MIPOL1: variants seen among roughly 807,000 people sequenced by gnomAD.
The protein encoded by MIPOL1 is mirror-image polydactyly gene 1 protein.
Under a neutral mutation model 60.9 loss-of-function variants are expected in MIPOL1, and 57 were observed. The observed-to-expected ratio is 0.94, with a 90% CI of 0.76 to 1.17. The LOEUF (loss-of-function observed/expected upper bound fraction) is 1.17. Ranked by LOEUF, MIPOL1 falls within the 50% of genes most tolerant of loss-of-function variation. The probability of loss-of-function intolerance (pLI) is 0.00; values close to 1 mark genes in which losing one functional copy is unlikely to be tolerated. For synonymous variants in MIPOL1, 179 were observed against 168.8 expected, an observed-to-expected ratio of 1.06 and a Z score of -0.47; for missense variants, 551 against 511.6, an observed-to-expected ratio of 1.08 and a Z score of -0.74.
intron 11 of MIPOL1, among the ~76,000 whole-genome samples, chr14:37,452,346 CA>C (rs2094432863): frequency 6.6e-6 from 1 of 152,152 alleles, no homozygotes; most frequent in Non-Finnish European, 1.5e-5. Context: ...GTATGAACAA[CA>C]AATGAAAACT....
intron 9 of MIPOL1, among the ~76,000 whole-genome samples, chr14:37,335,727 T>C (rs570647155): frequency 1.6e-4 from 24 of 152,264 alleles, no homozygotes; most frequent in Admixed American, 1.6e-3. Flanking sequence ...TATATTTTCA[T>C]TGGAGAAATA....
At chr14:37,205,879 T>C (rs1287292316) in intron 1 of MIPOL1, among the ~76,000 whole-genome samples, 1 of 152,206 alleles carries the variant, frequency 6.6e-6, no homozygotes, top group Non-Finnish European at 1.5e-5. Context: ...TGTTGGACAT[T>C]TGGGTTGATT....
intron 7 of MIPOL1, among the ~76,000 whole-genome samples, chr14:37,298,945 TG>T (rs1337709024): frequency 2.0e-5 from 3 of 150,830 alleles, no homozygotes; most frequent in Admixed American, 1.3e-4. Context: ...ATCCCATTAC[TG>T]GGTATATACC....
chr14:37,228,325 C>CTTTTTTTTTTTTTTTT, intron 1 of MIPOL1, among the ~76,000 whole-genome samples: 1 of 105,178 alleles, frequency 9.5e-6, no homozygotes, highest in Non-Finnish European at 2.1e-5. Context: ...TCTTTCTTTT[C>CTTTTTTTTTTTTTTTT]TTTTTTTTTT....
intron 1 of MIPOL1, among the ~76,000 whole-genome samples, chr14:37,223,483 A>G (rs769985228): frequency 6.6e-6 from 1 of 152,026 alleles, no homozygotes; most frequent in African/African-American, 2.4e-5. Context: ...AATATTTTTC[A>G]GGATCCTCCT....
chr14:37,285,596 CTTTTT>C, intron 7 of MIPOL1, 149 bp downstream of exon 7: 1 of 612,958 alleles, frequency 1.6e-6, no homozygotes. Flanking sequence ...TTTTTCTTTT[CTTTTT>C]TTTTTTTTGA....
chr14:37,383,343 A>T (rs1160632212), intron 10 of MIPOL1, among the ~76,000 whole-genome samples: 1 of 151,866 alleles, frequency 6.6e-6, no homozygotes, highest in Non-Finnish European at 1.5e-5. Context: ...AACTTGTATC[A>T]GCATTTTTGT....
At chr14:37,434,510 A>C (rs553774448) in intron 11 of MIPOL1, 1 of 152,164 alleles carries the variant, frequency 6.6e-6, no homozygotes, top group African/African-American at 2.4e-5. Context: ...TCATCCTTGC[A>C]TAGGAGCCAT....
intron 11 of MIPOL1, among the ~76,000 whole-genome samples, chr14:37,457,507 C>A (rs1239265276): frequency 5.9e-5 from 9 of 152,104 alleles, no homozygotes; most frequent in Admixed American, 5.9e-4. Context: ...GGATAATCTT[C>A]TCTCCCTCAC....
intron 12 of MIPOL1, among the ~76,000 whole-genome samples, chr14:37,526,987 G>A (rs2095451848): frequency 6.6e-6 from 1 of 151,956 alleles, no homozygotes; most frequent in Admixed American, 6.6e-5. Flanking sequence ...ATATTGTTCT[G>A]ATATGCACTT....
intron 11 of MIPOL1, among the ~76,000 whole-genome samples, chr14:37,485,979 T>C (rs2153601882): frequency 6.6e-6 from 1 of 152,358 alleles, no homozygotes; most frequent in East Asian, 1.9e-4. Flanking sequence ...TATGTTTAAG[T>C]CTTTAATTCA....
intron 9 of MIPOL1, among the ~76,000 whole-genome samples, chr14:37,336,389 T>A (rs1319930870): frequency 1.3e-5 from 2 of 149,154 alleles, no homozygotes; most frequent in African/African-American, 2.4e-5. Context: ...TAATTATTAT[T>A]ATATTATTAT....
chr14:37,344,770 C>T (rs957376950), intron 9 of MIPOL1, among the ~76,000 whole-genome samples: 3 of 152,038 alleles, frequency 2.0e-5, no homozygotes, highest in Non-Finnish European at 4.4e-5. Flanking sequence ...TGGCTCACAC[C>T]TGTAATCCCA....
intron 11 of MIPOL1, among the ~76,000 whole-genome samples, chr14:37,448,716 G>A (rs1392722912): frequency 1.3e-5 from 2 of 152,140 alleles, no homozygotes; most frequent in African/African-American, 2.4e-5. Flanking sequence ...AAGCAAGAGA[G>A]TGCAAGGGGA....
intron 1 of MIPOL1, among the ~76,000 whole-genome samples, chr14:37,238,668 G>C (rs1971863220): frequency 6.6e-6 from 1 of 151,980 alleles, no homozygotes; most frequent in Non-Finnish European, 1.5e-5. Flanking sequence ...GTGCTATTCA[G>C]GGCCGGGTGC....
intron 10 of MIPOL1, among the ~76,000 whole-genome samples, chr14:37,415,985 TAAG>T (rs2093762084): frequency 6.6e-6 from 1 of 152,138 alleles, no homozygotes. Flanking sequence ...AGAGAGAATC[TAAG>T]TAGTTGATAA....
intron 12 of MIPOL1, among the ~76,000 whole-genome samples, chr14:37,544,910 A>G (rs2095541953): frequency 6.6e-6 from 1 of 152,224 alleles, no homozygotes; most frequent in Non-Finnish European, 1.5e-5. Context: ...ATGTAGAAAA[A>G]GGAAACAAAA....
At chr14:37,418,796 A>G (rs2153546574) in intron 10 of MIPOL1, among the ~76,000 whole-genome samples, 3 of 152,196 alleles carry the variant, frequency 2.0e-5, no homozygotes, top group Admixed American at 2.0e-4. Flanking sequence ...TGCCTAACTG[A>G]TAGTAGGTGG....
At chr14:37,331,165 A>G (rs931998510) in intron 9 of MIPOL1, among the ~76,000 whole-genome samples, 2 of 151,932 alleles carry the variant, frequency 1.3e-5, no homozygotes, top group East Asian at 1.9e-4. Flanking sequence ...GTCAGGTCAT[A>G]TAATGCCTGA....
Sources: allele counts gnomAD v4.1 joint callset (sites outside exome capture counted in the v4.1 genomes callset), GRCh38; gene constraint gnomAD v4.1.1; transcripts MANE v1.5; gene names NCBI Gene and HGNC (gene_info 2026-07-23, HGNC 2026-07-21).